IPO5: variants seen among roughly 807,000 people sequenced by gnomAD.
IPO5 encodes importin-5.
Under a neutral mutation model 143.3 loss-of-function variants are expected in IPO5, and 18 were observed. That is an observed-to-expected ratio of 0.13 (90% confidence interval 0.09 to 0.19). The LOEUF is 0.19. IPO5 is among the 10% of genes least tolerant of loss of function. The pLI is 1.00. For synonymous variants in IPO5, 477 were observed against 465.7 expected, an observed-to-expected ratio of 1.02 and a Z score of -0.31; for missense variants, 1,013 against 1,336.9, an observed-to-expected ratio of 0.76 and a Z score of 3.78.
intron 16 of IPO5, among the ~76,000 whole-genome samples, chr13:98,005,699 TAGA>T (rs567178245): frequency 1.9e-4 from 29 of 151,978 alleles, no homozygotes; most frequent in African/African-American, 5.5e-4. Flanking sequence ...GAGAGGGGGT[TAGA>T]AGATAAAGGA....
chr13:97,967,373 A>C (rs2139531224), intron 2 of IPO5, among the ~76,000 whole-genome samples: 1 of 150,394 alleles, frequency 6.6e-6, no homozygotes, highest in East Asian at 2.0e-4. Flanking sequence ...CTCTTTTTTA[A>C]TTTTCTATTT....
intron 16 of IPO5, among the ~76,000 whole-genome samples, chr13:98,003,882 A>C (rs1208808384): frequency 5.9e-5 from 9 of 152,184 alleles, no homozygotes; most frequent in African/African-American, 1.9e-4. Flanking sequence ...AAATTAAAAA[A>C]CATTGAGTAT....
Position 98,021,024 on chromosome 13 carries a change from C to G in IPO5, c.3098C>G (p.Thr1033Ser), listed in dbSNP as rs144748695. The G allele has an allele frequency of 1.5e-5, 24 of 1,609,338 alleles. No homozygotes were observed. The highest frequency in any genetic ancestry group is 1.6e-4 in the Middle Eastern group (1 of 6,076). ...NHPIVLGPNN[T>S]NLPKIFSIIA... ...CCAATTGTTCTTGGCCCAAACAATA[C>G]CAATCTGCCCAAAATATTTAGTATA... The change falls in exon 28 of 29, where the codon ACC (threonine) becomes AGC (serine). Residue 1033 changes from threonine (T) to serine (S), a missense_variant. By Grantham distance (58) the Thr-to-Ser change is moderately conservative. This residue lies in a region of IPO5 where 685 missense variants were observed against 994.9 expected (regional missense o/e 0.69). Transcript: ENST00000651721.
intron 11 of IPO5, 86 bp downstream of exon 11, chr13:97,993,311 T>C (rs575272389): frequency 1.8e-6 from 2 of 1,127,590 alleles, no homozygotes; most frequent in East Asian, 4.7e-5. Context: ...TTTCTCAGAT[T>C]GTTGAGAATA....
chr13:97,968,992 G>A (rs1168616666), intron 2 of IPO5, among the ~76,000 whole-genome samples: 1 of 151,544 alleles, frequency 6.6e-6, no homozygotes, highest in African/African-American at 2.4e-5. Flanking sequence ...CCTAGCTAAA[G>A]TTTGTATTTT....
At chr13:98,011,824 A>G (rs941344091) in intron 20 of IPO5, among the ~76,000 whole-genome samples, 4 of 152,296 alleles carry the variant, frequency 2.6e-5, no homozygotes, top group African/African-American at 9.6e-5. Flanking sequence ...TAAAAATACA[A>G]AATAACAGAA....
At chr13:98,005,983 C>T in intron 16 of IPO5, 147 bp from the exon 17 acceptor site, 1 of 620,772 alleles carries the variant, frequency 1.6e-6, no homozygotes, top group Non-Finnish European at 2.8e-6. Flanking sequence ...GAAATTTCCT[C>T]CAAAACCTAC....
chr13:98,010,780 C>CGTTTTTTTTTTTTTTTTTTTTTT lies in IPO5; in HGVS notation c.2055+556_2055+557insGTTTTTTTTTTTTTTTTTTTTTT, dbSNP rs1889639079. 2.3e-4 allele frequency among the ~76,000 whole-genome samples: 16 copies of CGTTTTTTTTTTTTTTTTTTTTTT among 70,028 alleles called. 2 individuals are homozygous for CGTTTTTTTTTTTTTTTTTTTTTT. Among genetic ancestry groups the CGTTTTTTTTTTTTTTTTTTTTTT allele is most frequent in the African/African-American group, 1.5e-3 (16 of 10,532 alleles). The allele number at this position is 70,028 out of a possible 152,430, so 45.9% of individuals were successfully genotyped here. ...ATGCGTTTTAAAGTGAAGGATAATC[C>CGTTTTTTTTTTTTTTTTTTTTTT]TTTTTTTTTTTTTTTTTTGAGGTGG... On this transcript the variant is annotated intron_variant, in intron 20 of 28. Coordinates refer to ENST00000651721, the MANE Select transcript of IPO5 (RefSeq NM_002271.6).
At chr13:98,017,770 A>G (rs1890224201) in intron 25 of IPO5, among the ~76,000 whole-genome samples, 1 of 152,100 alleles carries the variant, frequency 6.6e-6, no homozygotes, top group African/African-American at 2.4e-5. Flanking sequence ...AACACATCAT[A>G]TAATGGCCTA....
Position 98,023,948 on chromosome 13 carries a change from C to G in IPO5, c.*2126C>G, listed in dbSNP as rs1198284606. On this transcript the variant is annotated 3_prime_UTR_variant, in exon 29 of 29. Transcript: ENST00000651721. ...TTTTTAATACCTCATTCTGTCTATGCAAGATGAAAATCCATGGAGTTTTTT... is the reference window on the plus strand; with the variant it reads ...TTTTTAATACCTCATTCTGTCTATGGAAGATGAAAATCCATGGAGTTTTTT... 6.6e-6 allele frequency: 1 copy of G among 152,124 alleles called. No homozygotes were observed. Among genetic ancestry groups the G allele is most frequent in the Non-Finnish European group, 1.5e-5 (1 of 68,016 alleles). The allele number at this position is 152,124 out of a possible 1,614,324, so 9.4% of individuals were successfully genotyped here.
chr13:97,993,943 C>T (rs759372288), intron 11 of IPO5, among the ~76,000 whole-genome samples: 4 of 152,170 alleles, frequency 2.6e-5, no homozygotes, highest in Non-Finnish European at 5.9e-5. Flanking sequence ...AAAAATATCT[C>T]CTTTATCACT....
chr13:98,003,184 A>C, intron 16 of IPO5, 147 bp downstream of exon 16: 1 of 683,480 alleles, frequency 1.5e-6, no homozygotes, highest in Non-Finnish European at 2.5e-6. Flanking sequence ...GAGTTGTGGA[A>C]TGATGAGTAG....
chr13:97,987,565 G>T (rs1464958996), intron 6 of IPO5, among the ~76,000 whole-genome samples: 4 of 152,112 alleles, frequency 2.6e-5, no homozygotes, highest in Non-Finnish European at 5.9e-5. Flanking sequence ...TGTTGCCCAG[G>T]CTTGAGTACA....
chr13:98,006,614 T>A (rs1889276571), intron 17 of IPO5, among the ~76,000 whole-genome samples: 1 of 151,698 alleles, frequency 6.6e-6, no homozygotes, highest in South Asian at 2.1e-4. Flanking sequence ...GACCTCGTGA[T>A]CCGCCCGCCT....
At chr13:97,987,431 G>C (rs1034301409) in intron 6 of IPO5, among the ~76,000 whole-genome samples, 4 of 152,192 alleles carry the variant, frequency 2.6e-5, no homozygotes, top group Non-Finnish European at 5.9e-5. Context: ...GTAAGTCCTT[G>C]TTCAATTCAG....
At chr13:98,019,272 A>T (rs1323454678) in intron 26 of IPO5, among the ~76,000 whole-genome samples, 1 of 151,980 alleles carries the variant, frequency 6.6e-6, no homozygotes, top group African/African-American at 2.4e-5. Flanking sequence ...TTTAAAACTT[A>T]CTGGGGAATA....
At chr13:97,987,909 A>T (rs1887502098) in intron 6 of IPO5, 1 of 225,594 alleles carries the variant, frequency 4.4e-6, no homozygotes, top group Admixed American at 4.7e-5. Flanking sequence ...GAAACACTTA[A>T]CAATGCAAAC....
chr13:97,966,266 G>A (rs1885330486), intron 2 of IPO5, among the ~76,000 whole-genome samples: 1 of 152,016 alleles, frequency 6.6e-6, no homozygotes, highest in Admixed American at 6.6e-5. Flanking sequence ...TTAACTGTGA[G>A]TCTGTCACAG....
At chr13:97,975,831 G>C in intron 3 of IPO5, 1 of 723,174 alleles carries the variant, frequency 1.4e-6, no homozygotes. Flanking sequence ...ACGACCGCGG[G>C]CTGGGGACGG....
Sources: allele counts gnomAD v4.1 joint callset (sites outside exome capture counted in the v4.1 genomes callset), GRCh38; gene constraint gnomAD v4.1.1; regional missense constraint gnomAD v4.1.1; transcripts MANE v1.5; gene names NCBI Gene and HGNC (gene_info 2026-07-23, HGNC 2026-07-21).